Variants in ARMC6 observed in about 807,000 individuals in gnomAD.
ARMC6 encodes the protein armadillo repeat containing 6.
ARMC6 carries 43 observed loss-of-function variants against 49.2 expected under a neutral mutation model. That is an observed-to-expected ratio of 0.87 (90% confidence interval 0.69 to 1.13). The LOEUF is 1.13. Among genes scored for constraint, ARMC6 ranks in the 50% most tolerant of loss-of-function variants. ARMC6 has a pLI of 0.00. For synonymous variants in ARMC6, 262 were observed against 289.6 expected (o/e 0.90, Z 0.97); for missense variants, 627 against 682.0 (o/e 0.92, Z 0.90).
chr19:19,051,408 TGTG>T (rs2059495722), intron 4 of ARMC6, among the ~76,000 whole-genome samples: 1 of 151,724 alleles, frequency 6.6e-6, no homozygotes, highest in African/African-American at 2.4e-5. Flanking sequence ...TGTGTGTGTG[TGTG>T]TGTGTCAGTC....
chr19:19,053,507 T>A (rs557284620), intron 5 of ARMC6, among the ~76,000 whole-genome samples: 1 of 152,022 alleles, frequency 6.6e-6, no homozygotes, highest in African/African-American at 2.4e-5. Flanking sequence ...ATAATAATAA[T>A]AATAATAATA....
Position 19,057,620 on chromosome 19 carries a change from G to GC in ARMC6, c.1499dup (p.Pro501AlafsTer57). 6.2e-7 allele frequency: 1 copy of GC among 1,612,274 alleles called. No individual in the cohort carries two copies. The highest frequency in any genetic ancestry group is 8.5e-7 in the Non-Finnish European group (1 of 1,179,984). Reference sequence around the variant, plus strand: ...GTGGACAGGCCAGAGGGGCAACCTGGCGCCATGACCCCAGGCCCAGTCTGG... The same window carrying GC: ...GTGGACAGGCCAGAGGGGCAACCTGGCCGCCATGACCCCAGGCCCAGTCTGG... On this transcript the variant is annotated frameshift_variant, in exon 9 of 9. Coordinates refer to ENST00000535612, the MANE Select transcript of ARMC6 (RefSeq NM_001199196.2). LOFTEE classifies it high-confidence loss of function.
At chr19:19,046,291 G>C (rs2059449900) in intron 4 of ARMC6, among the ~76,000 whole-genome samples, 1 of 151,926 alleles carries the variant, frequency 6.6e-6, no homozygotes. Context: ...CCACCTCCCA[G>C]GTTCATGCCA....
intron 8 of ARMC6, among the ~76,000 whole-genome samples, chr19:19,056,308 C>G (rs1364442811): frequency 6.8e-6 from 1 of 147,116 alleles, no homozygotes; most frequent in East Asian, 2.0e-4. Context: ...GTCGCCCAGG[C>G]TGGAGTGCAG....
At chr19:19,044,163 T>A in intron 4 of ARMC6, 89 bp downstream of exon 4, 1 of 1,315,486 alleles carries the variant, frequency 7.6e-7, no homozygotes, top group Non-Finnish European at 1.1e-6. Flanking sequence ...GAATACAGGC[T>A]CTGAAGGTCA....
rs780772451 is a variant in ARMC6 at position 19,037,707 on chromosome 19, G to A, written c.29+3469G>A. 10 of 1,139,626 alleles carry A rather than the reference G, an allele frequency of 8.8e-6. No homozygotes were observed. In the South Asian group the frequency reaches 1.5e-4, roughly 17 times the overall value. The allele number at this position is 1,139,626 out of a possible 1,614,324, so 70.6% of individuals were successfully genotyped here. A position where few individuals can be genotyped will look rare whatever the true frequency, so the allele number is the denominator to read the frequency against. Reference sequence around the variant, plus strand: ...AACTTGATATTACTGCAATAAGCAAGGTGGATATATTGAAACAATTAAAAT... The same window carrying A: ...AACTTGATATTACTGCAATAAGCAAAGTGGATATATTGAAACAATTAAAAT... On this transcript the variant is annotated intron_variant, in intron 2 of 8. Coordinates refer to ENST00000535612, the MANE Select transcript of ARMC6 (RefSeq NM_001199196.2).
At chr19:19,046,347 C>T (rs2059450344) in intron 4 of ARMC6, among the ~76,000 whole-genome samples, 1 of 151,922 alleles carries the variant, frequency 6.6e-6, no homozygotes, top group African/African-American at 2.4e-5. Flanking sequence ...CAGGCGCCTG[C>T]CATGACGCCC....
chr19:19,050,719 A>T (rs1049311981), intron 4 of ARMC6, among the ~76,000 whole-genome samples: 1 of 152,192 alleles, frequency 6.6e-6, no homozygotes, highest in Non-Finnish European at 1.5e-5. Context: ...ATCCTGTTGC[A>T]TTGTAACATA....
chr19:19,056,081 AG>A, intron 8 of ARMC6, 153 bp downstream of exon 8: 1 of 875,298 alleles, frequency 1.1e-6, no homozygotes. Context: ...CCCACAGCCG[AG>A]CCCCATAGGG....
chr19:19,043,089 C>A (rs1278785770), intron 3 of ARMC6, among the ~76,000 whole-genome samples: 2 of 152,216 alleles, frequency 1.3e-5, no homozygotes, highest in African/African-American at 4.8e-5. Context: ...TATTTGTGGG[C>A]TGGATCCTTC....
At chr19:19,037,407 T>C (rs2059379486) in intron 2 of ARMC6, 1 of 276,974 alleles carries the variant, frequency 3.6e-6, no homozygotes, top group Non-Finnish European at 7.2e-6. Context: ...GACAAGGTCT[T>C]ACTTTGTCAC....
intron 2 of ARMC6, among the ~76,000 whole-genome samples, chr19:19,036,983 C>G (rs898837605): frequency 6.6e-6 from 1 of 151,800 alleles, no homozygotes; most frequent in African/African-American, 2.4e-5. Context: ...GTCAGGAGTT[C>G]GAGACTAGCC....
In ARMC6 at chr19:19,034,150, T is replaced by C; in HGVS notation, c.-60T>C. ...ATTCAGCACCTGTGCACTGAGTGCCTGCTGCGTGTCGGGCCCCGTCCTAGG... is the reference window on the plus strand; with the variant it reads ...ATTCAGCACCTGTGCACTGAGTGCCCGCTGCGTGTCGGGCCCCGTCCTAGG... On this transcript the variant is annotated 5_prime_UTR_variant, in exon 2 of 9. Transcript: ENST00000535612. 1 of 1,211,932 alleles carries C rather than the reference T, an allele frequency of 8.3e-7. No individual in the cohort carries two copies. Among genetic ancestry groups the C allele is most frequent in the Non-Finnish European group, 1.2e-6 (1 of 835,006 alleles). The allele number at this position is 1,211,932 out of a possible 1,614,324, so 75.1% of individuals were successfully genotyped here.
At chr19:19,037,986 A>T (rs1032746412) in intron 2 of ARMC6, among the ~76,000 whole-genome samples, 10 of 152,216 alleles carry the variant, frequency 6.6e-5, no homozygotes, top group African/African-American at 2.4e-4. Context: ...CTGTATTTAC[A>T]GCAACTCCCC....
At chr19:19,038,013 C>G (rs796576192) in intron 2 of ARMC6, among the ~76,000 whole-genome samples, 4 of 152,306 alleles carry the variant, frequency 2.6e-5, no homozygotes, top group African/African-American at 9.6e-5. Context: ...TGCATTATGC[C>G]TGAGCTCTAC....
At position 19,055,950 on chromosome 19, in the gene ARMC6, G is replaced by A. The variant is rs771698197; in HGVS notation, c.1293+22G>A. The A allele has an allele frequency of 1.9e-6, 3 of 1,599,176 alleles. No individual in the cohort carries two copies. Among genetic ancestry groups the A allele is most frequent in the Admixed American group, 3.4e-5 (2 of 59,454 alleles). On this transcript the variant is annotated intron_variant, in intron 8 of 8. Coordinates refer to ENST00000535612, the MANE Select transcript of ARMC6 (RefSeq NM_001199196.2). The surrounding 1 kb of genome is among the most constrained non-coding windows in gnomAD (Gnocchi z 5.7). The stretch of plus-strand genomic sequence containing the variant: ...GCAGGTGGGCAGGGCAGGGGATGGG[G>A]GCAGGCAGGCTGGTGTGGGATGTGC...
At chr19:19,034,381 G>C in intron 2 of ARMC6, 143 bp downstream of exon 2, 7 of 1,094,306 alleles carry the variant, frequency 6.4e-6, no homozygotes, top group East Asian at 2.6e-5. Flanking sequence ...CTTAGATAGA[G>C]AAGGTGCGGA....
At chr19:19,046,095 A>G (rs2059448162) in intron 4 of ARMC6, among the ~76,000 whole-genome samples, 1 of 152,202 alleles carries the variant, frequency 6.6e-6, no homozygotes, top group Non-Finnish European at 1.5e-5. Context: ...TGGTACCCGG[A>G]TCCAGGAAGC....
chr19:19,036,309 G>A (rs563425707), intron 2 of ARMC6, among the ~76,000 whole-genome samples: 1 of 152,284 alleles, frequency 6.6e-6, no homozygotes, highest in South Asian at 2.1e-4. Flanking sequence ...TGATCCACCG[G>A]TGTCAGCCTC....
Sources: allele counts gnomAD v4.1 joint callset (sites outside exome capture counted in the v4.1 genomes callset), GRCh38; gene constraint gnomAD v4.1.1; non-coding constraint Gnocchi (gnomAD v3.1); transcripts MANE v1.5; gene names NCBI Gene and HGNC (gene_info 2026-07-23, HGNC 2026-07-21).